The following EPHX2 variants were observed in gnomAD, a reference collection of about 807,000 sequenced individuals.
EPHX2 encodes epoxide hydrolase 2.
Under a neutral mutation model 78.7 loss-of-function variants are expected in EPHX2, and 74 were observed. That is an observed-to-expected ratio of 0.94 (90% CI 0.78 to 1.14). EPHX2 has a LOEUF of 1.14. Ranked by LOEUF, EPHX2 falls within the 50% of genes most tolerant of loss-of-function variation. The pLI, the probability that EPHX2 is intolerant of heterozygous loss-of-function variation, is 0.00. For synonymous variants in EPHX2, 251 were observed against 255.2 expected, an observed-to-expected ratio of 0.98 and a Z score of 0.16; for missense variants, 715 against 702.5, an observed-to-expected ratio of 1.02 and a Z score of -0.20.
intron 5 of EPHX2, among the ~76,000 whole-genome samples, chr8:27,508,635 T>A (rs17057284): frequency 6.6e-6 from 1 of 152,016 alleles, no homozygotes; most frequent in South Asian, 2.1e-4. Flanking sequence ...AAACTATATC[T>A]CACTTCTCTT....
chr8:27,500,615 C>T (rs922601301), intron 1 of EPHX2, among the ~76,000 whole-genome samples: 2 of 152,038 alleles, frequency 1.3e-5, no homozygotes, highest in Non-Finnish European at 2.9e-5. Flanking sequence ...CAGTAATGGC[C>T]GCGTGCCCAC....
intron 12 of EPHX2, among the ~76,000 whole-genome samples, chr8:27,527,001 C>T (rs930120953): frequency 9.9e-5 from 15 of 152,026 alleles, no homozygotes; most frequent in African/African-American, 2.4e-4. Context: ...AGTACAGTGG[C>T]GCAATCTCGG....
At position 27,499,553 on chromosome 8, in the gene EPHX2, G is replaced by A. The variant is rs1486300679; in HGVS notation, c.102-1373G>A. Among the ~76,000 whole-genome samples the A allele has an allele frequency of 3.3e-5, 5 of 152,270 alleles. No individual in the cohort carries two copies. The Middle Eastern group carries it at 0.014, about 417-fold the overall frequency. ...ATATTTGTTCTGTTACTCAGGGCTGGTAATTTTAACTGGCTTGCCACTTCA... is the reference window on the plus strand; with the variant it reads ...ATATTTGTTCTGTTACTCAGGGCTGATAATTTTAACTGGCTTGCCACTTCA... On this transcript the variant is annotated intron_variant, in intron 1 of 18. Coordinates refer to ENST00000521400, the MANE Select transcript of EPHX2 (RefSeq NM_001979.6).
intron 18 of EPHX2, 69 bp from the exon 19 acceptor site, chr8:27,544,375 G>T (rs1425447455): frequency 3.1e-6 from 5 of 1,599,918 alleles, no homozygotes; most frequent in Non-Finnish European, 4.3e-6. Context: ...CTCTGCCTTC[G>T]AGTTGGCTGG....
At chr8:27,531,525 G>A (rs906958482) in intron 12 of EPHX2, among the ~76,000 whole-genome samples, 3 of 152,206 alleles carry the variant, frequency 2.0e-5, no homozygotes, top group Non-Finnish European at 2.9e-5. Flanking sequence ...GGAGAACACT[G>A]GCGCAGACTT....
chr8:27,523,716 A>T (rs958847046), intron 11 of EPHX2, among the ~76,000 whole-genome samples: 14 of 152,136 alleles, frequency 9.2e-5, no homozygotes, highest in Non-Finnish European at 1.8e-4. Flanking sequence ...TAAATTTTTT[A>T]AAAAAATTTC....
chr8:27,543,859 C>G (rs1246446479), intron 17 of EPHX2, 30 bp downstream of exon 17: 2 of 1,611,522 alleles, frequency 1.2e-6, no homozygotes. Flanking sequence ...CAAGGGTCAT[C>G]AGTGCACCCC....
chr8:27,517,383 G>A (rs1001760255), intron 8 of EPHX2, among the ~76,000 whole-genome samples: 6 of 152,166 alleles, frequency 3.9e-5, no homozygotes, highest in African/African-American at 1.4e-4. Flanking sequence ...AATAGAGACA[G>A]CAATTCTACA....
At chr8:27,528,865 G>A (rs927497689) in intron 12 of EPHX2, among the ~76,000 whole-genome samples, 1 of 152,152 alleles carries the variant, frequency 6.6e-6, no homozygotes, top group Middle Eastern at 3.4e-3. Flanking sequence ...GCACAATCTC[G>A]GCTCACTACA....
chr8:27,518,144 C>A, intron 9 of EPHX2, 72 bp downstream of exon 9: 1 of 1,335,422 alleles, frequency 7.5e-7, no homozygotes, highest in Non-Finnish European at 1.0e-6. Flanking sequence ...GCTGGGGTAT[C>A]CATTCAAATT....
intron 6 of EPHX2, among the ~76,000 whole-genome samples, chr8:27,514,143 C>T (rs1375113107): frequency 7.0e-6 from 1 of 142,704 alleles, no homozygotes; most frequent in Non-Finnish European, 1.5e-5. Context: ...CATAGTGAGA[C>T]CCCCCATCTC....
At chr8:27,541,669 C>G (rs1815407963) in intron 16 of EPHX2, 127 bp downstream of exon 16, 3 of 950,984 alleles carry the variant, frequency 3.2e-6, no homozygotes, top group Admixed American at 2.1e-5. Flanking sequence ...CACCTCCTTT[C>G]CCTTTGGGGT....
chr8:27,525,292 A>G lies in EPHX2; in HGVS notation c.1059-70A>G, dbSNP rs1814803961. 4.9e-6 allele frequency: 7 copies of G among 1,433,796 alleles called. No homozygotes were observed. In the Middle Eastern group the frequency reaches 5.3e-4, roughly 108 times the overall value. 88.8% of individuals were successfully genotyped at this position (1,433,796 alleles called of 1,614,324 possible). A position where few individuals can be genotyped will look rare whatever the true frequency, so the allele number is the denominator to read the frequency against. ...CTCTGAGCTTCAGTTTTGAACTGCA[A>G]AGTCCTTTCTGGCTCTTGTAAGACT... On this transcript the variant is annotated intron_variant, in intron 11 of 18. Coordinates refer to ENST00000521400, the MANE Select transcript of EPHX2 (RefSeq NM_001979.6).
At chr8:27,534,606 T>C (rs1465336819) in intron 12 of EPHX2, among the ~76,000 whole-genome samples, 3 of 152,072 alleles carry the variant, frequency 2.0e-5, no homozygotes, top group Non-Finnish European at 4.4e-5. Context: ...ATTGCGCTAC[T>C]GCACACCAGC....
chr8:27,511,714 G>T, intron 5 of EPHX2, 122 bp from the exon 6 acceptor site: 2 of 961,870 alleles, frequency 2.1e-6, no homozygotes. Flanking sequence ...CAGCCACCAG[G>T]AGGGCTCAGG....
chr8:27,548,505 G>A (rs1815609287), downstream of EPHX2, among the ~76,000 whole-genome samples: 1 of 152,184 alleles, frequency 6.6e-6, no homozygotes, highest in African/African-American at 2.4e-5. Context: ...GACTGTGAGG[G>A]CCCTGAGATC....
chr8:27,538,530 T>C, intron 13 of EPHX2, 129 bp from the exon 14 acceptor site: 1 of 820,776 alleles, frequency 1.2e-6, no homozygotes, highest in Admixed American at 2.7e-5. Flanking sequence ...TCAGAGGTCA[T>C]TTGTCATAAC....
chr8:27,505,232 A>G, intron 4 of EPHX2, 86 bp downstream of exon 4: 5 of 1,374,148 alleles, frequency 3.6e-6, no homozygotes, highest in East Asian at 4.9e-5. Context: ...GGTGGGATGC[A>G]TCTTGGGCCT....
At chr8:27,541,031 G>C (rs756450386) in intron 15 of EPHX2, among the ~76,000 whole-genome samples, 12 of 152,138 alleles carry the variant, frequency 7.9e-5, no homozygotes, top group Non-Finnish European at 8.8e-5. Flanking sequence ...CCTACTTCCT[G>C]ATGTCATATT....
Sources: gnomAD v4.1 joint callset for allele counts (sites outside exome capture counted in the v4.1 genomes callset) on GRCh38, gnomAD v4.1.1 for gene constraint, MANE v1.5 for transcripts, NCBI Gene and HGNC (gene_info 2026-07-23, HGNC 2026-07-21) for gene names.